The following HSD17B12 variants were observed in gnomAD, a reference collection of about 807,000 sequenced individuals.
The protein encoded by HSD17B12 is very-long-chain 3-oxoacyl-CoA reductase.
HSD17B12 carries 32 observed loss-of-function variants against 39.3 expected under a neutral mutation model. The ratio of observed to expected loss-of-function variants is 0.81; its 90% CI spans 0.61 to 1.09. HSD17B12 has a LOEUF of 1.09. Among genes scored for constraint, HSD17B12 ranks in the 50% least tolerant of loss-of-function variants. The pLI is 0.00. For synonymous variants in HSD17B12, 150 were observed against 146.7 expected, an observed-to-expected ratio of 1.02 and a Z score of -0.16; for missense variants, 342 against 382.9, an observed-to-expected ratio of 0.89 and a Z score of 0.89.
the HSD17B12 span, among the ~76,000 whole-genome samples, chr11:43,566,311 A>T: frequency 6.6e-6 from 1 of 152,048 alleles, no homozygotes; most frequent in African/African-American, 2.4e-5. Flanking sequence ...AATATTTTTA[A>T]CCTTCCTGAA....
intron 1 of HSD17B12, among the ~76,000 whole-genome samples, chr11:43,710,885 G>A (rs527848998): frequency 1.3e-3 from 191 of 152,198 alleles, no homozygotes; most frequent in African/African-American, 4.4e-3. Flanking sequence ...CCACCTCCTG[G>A]GTTCAAGTGA....
chr11:43,844,811 T>C (rs1319021413), intron 9 of HSD17B12, among the ~76,000 whole-genome samples: 1 of 152,210 alleles, frequency 6.6e-6, no homozygotes, highest in Non-Finnish European at 1.5e-5. Context: ...ATTTCAAGTC[T>C]ACAGAAAAGT....
At chr11:43,757,060 T>C (rs11037601) in intron 3 of HSD17B12, among the ~76,000 whole-genome samples, 6,823 of 152,248 alleles carry the variant, frequency 0.045, 434 homozygotes, top group African/African-American at 0.14. Context: ...AAAAAATACA[T>C]AGAGGAGATT....
chr11:43,855,213 C>T lies in HSD17B12; in HGVS notation c.904C>T (p.Arg302Trp), dbSNP rs747912181. Residue 302 changes from arginine (R) to tryptophan (W), a missense_variant, in exon 11 of 11, where the codon CGG becomes TGG. Arg to Trp is a moderately radical substitution (Grantham distance 101). Coordinates refer to ENST00000278353, the MANE Select transcript of HSD17B12 (RefSeq NM_016142.3). ...AGTCATGAATATGAACAAGTCTACA[C>T]GGGCTCACTATCTGAAGAAAACCAA... The part of the protein sequence containing the change: ...KIVMNMNKST[R>W]AHYLKKTKKN The T allele has an allele frequency of 7.5e-6, 12 of 1,609,938 alleles. No individual in the cohort carries two copies. The Admixed American group carries it at 8.4e-5, about 11-fold the overall frequency.
Position 43,798,398 on chromosome 11 carries a change from G to C in HSD17B12, c.362G>C (p.Gly121Ala), listed in dbSNP as rs569663277. ...GATATTTATGATAAAATTAAAACAG[G>C]CTTGGCTGGTCTTGAAATCGGCATC... ...SEDIYDKIKT[G>A]LAGLEIGILV... is the part of the protein sequence containing the mutation. The change falls in exon 4 of 11, where the codon GGC becomes GCC. Residue 121 changes from glycine to alanine, a missense_variant. Gly to Ala is a moderately conservative substitution (Grantham distance 60). Coordinates refer to ENST00000278353, the MANE Select transcript of HSD17B12 (RefSeq NM_016142.3). 27 of 1,611,370 alleles carry C rather than the reference G, an allele frequency of 1.7e-5. No individual in the cohort carries two copies. Among genetic ancestry groups the C allele is most frequent in the East Asian group, 2.2e-5 (1 of 44,762 alleles).
intron 3 of HSD17B12, among the ~76,000 whole-genome samples, chr11:43,779,002 A>C (rs1950738572): frequency 6.6e-6 from 1 of 152,192 alleles, no homozygotes; most frequent in Admixed American, 6.5e-5. Flanking sequence ...TATTGTAGAA[A>C]GTTTATTTTC....
At position 43,817,025 on chromosome 11, in the gene HSD17B12, T is replaced by G. The variant is rs1481682052; in HGVS notation, c.501+634T>G. Among the ~76,000 whole-genome samples the G allele has an allele frequency of 1.1e-3, 27 of 25,180 alleles. 2 individuals carry two copies. The highest frequency in any genetic ancestry group is 2.8e-3 in the African/African-American group (26 of 9,334). 16.5% of individuals were successfully genotyped at this position (25,180 alleles called of 152,430 possible). A position where few individuals can be genotyped will look rare whatever the true frequency, so the allele number is the denominator to read the frequency against. ...ATATCTATATCTATATCTATATCTA[T>G]ATCTATATCTATATCTATATATATA... On this transcript the variant is annotated intron_variant, in intron 6 of 10. Transcript: ENST00000278353.
intron 6 of HSD17B12, among the ~76,000 whole-genome samples, chr11:43,826,901 TG>T (rs1470022022): frequency 1.3e-5 from 2 of 152,248 alleles, no homozygotes; most frequent in African/African-American, 4.8e-5. Flanking sequence ...GTAACACTGT[TG>T]TCACTTTCTG....
At chr11:43,764,786 C>T (rs1277303264) in intron 3 of HSD17B12, among the ~76,000 whole-genome samples, 1 of 152,106 alleles carries the variant, frequency 6.6e-6, no homozygotes, top group Non-Finnish European at 1.5e-5. Flanking sequence ...TTCCTTTAAT[C>T]TATAAGTGCT....
chr11:43,638,773 T>C, the HSD17B12 span, among the ~76,000 whole-genome samples: 1 of 152,226 alleles, frequency 6.6e-6, no homozygotes. Flanking sequence ...ACAGTGTGTC[T>C]CAATAGGACT....
chr11:43,851,060 C>T (rs940372471), intron 9 of HSD17B12, among the ~76,000 whole-genome samples: 1 of 152,108 alleles, frequency 6.6e-6, no homozygotes, highest in Non-Finnish European at 1.5e-5. Flanking sequence ...GGCTCCATCT[C>T]AAGATACCAA....
the HSD17B12 span, among the ~76,000 whole-genome samples, chr11:43,637,296 C>T: frequency 6.7e-6 from 1 of 148,440 alleles, no homozygotes; most frequent in African/African-American, 2.5e-5. Context: ...TCTTGGCTCA[C>T]TGCAACCTCT....
At chr11:43,649,730 C>T in the HSD17B12 span, among the ~76,000 whole-genome samples, 2 of 152,310 alleles carry the variant, frequency 1.3e-5, no homozygotes, top group East Asian at 1.9e-4. Context: ...GTGGATCCTT[C>T]GACTGTTTTG....
intron 3 of HSD17B12, among the ~76,000 whole-genome samples, chr11:43,758,129 A>G (rs1488866331): frequency 3.9e-5 from 6 of 152,230 alleles, no homozygotes; most frequent in Non-Finnish European, 7.3e-5. Context: ...TATATGAACT[A>G]AACATTAAAT....
the HSD17B12 span, among the ~76,000 whole-genome samples, chr11:43,661,332 G>T: frequency 3.9e-5 from 6 of 152,164 alleles, no homozygotes; most frequent in Admixed American, 1.3e-4. Flanking sequence ...CCATAAGGAG[G>T]CATGAAGAAA....
intron 4 of HSD17B12, among the ~76,000 whole-genome samples, chr11:43,803,286 A>G (rs1304041021): frequency 6.6e-6 from 1 of 152,110 alleles, no homozygotes; most frequent in African/African-American, 2.4e-5. Flanking sequence ...TTATAGCCCC[A>G]TCAACTTTCT....
At position 43,815,515 on chromosome 11, in the gene HSD17B12, T is replaced by G; in HGVS notation, c.456+14T>G. The G allele has an allele frequency of 6.6e-7, 1 of 1,509,534 alleles. No homozygotes were observed. The highest frequency in any genetic ancestry group is 9.1e-7 in the Non-Finnish European group (1 of 1,097,052). 93.5% of individuals were successfully genotyped at this position (1,509,534 alleles called of 1,614,324 possible). A position where few individuals can be genotyped will look rare whatever the true frequency, so the allele number is the denominator to read the frequency against. On this transcript the variant is annotated intron_variant, in intron 5 of 10. Transcript: ENST00000278353. ...GACTTGGACAATGTAAGTCTTTCTT[T>G]GTGTATTATGGTAACAAAAATAATG... is the stretch of plus-strand genomic sequence containing the variant.
At chr11:43,777,323 T>A (rs1950716603) in intron 3 of HSD17B12, among the ~76,000 whole-genome samples, 2 of 152,196 alleles carry the variant, frequency 1.3e-5, no homozygotes, top group Non-Finnish European at 2.9e-5. Context: ...GTCCTTCACA[T>A]CCCTTGTAAG....
chr11:43,711,476 T>A (rs1029180638), intron 1 of HSD17B12, among the ~76,000 whole-genome samples: 2 of 142,984 alleles, frequency 1.4e-5, no homozygotes, highest in African/African-American at 5.4e-5. Context: ...GTTGGTTGGT[T>A]TTTTTTTTTT....
Sources: gnomAD v4.1 joint callset for allele counts (sites outside exome capture counted in the v4.1 genomes callset) on GRCh38, gnomAD v4.1.1 for gene constraint, MANE v1.5 for transcripts, NCBI Gene and HGNC (gene_info 2026-07-23, HGNC 2026-07-21) for gene names.